MBNL2: variants seen among roughly 807,000 people sequenced by gnomAD.
MBNL2 encodes muscleblind-like protein 2.
Under a neutral mutation model 41.9 loss-of-function variants are expected in MBNL2, and 17 were observed. The ratio of observed to expected loss-of-function variants is 0.41; its 90% CI spans 0.28 to 0.61. MBNL2 has a LOEUF of 0.61. MBNL2 is among the 20% of genes least tolerant of loss of function. The pLI is 0.35. For synonymous variants in MBNL2, 195 were observed against 182.9 expected (o/e 1.07, Z -0.53); for missense variants, 336 against 505.6 (o/e 0.66, Z 3.22).
chr13:97,265,784 T>C (rs1181708584), intron 1 of MBNL2, among the ~76,000 whole-genome samples: 1 of 152,044 alleles, frequency 6.6e-6, no homozygotes, highest in Admixed American at 6.6e-5. Context: ...ATTTATGGCT[T>C]AAGTGTTACT....
intron 1 of MBNL2, among the ~76,000 whole-genome samples, chr13:97,267,562 CCTT>C (rs951167708): frequency 2.6e-5 from 4 of 152,134 alleles, no homozygotes; most frequent in African/African-American, 9.7e-5. Flanking sequence ...CAAAGCAGCT[CCTT>C]CTGATGGCTG....
At chr13:97,280,681 A>G (rs970361131) in intron 2 of MBNL2, among the ~76,000 whole-genome samples, 5 of 151,990 alleles carry the variant, frequency 3.3e-5, no homozygotes, top group African/African-American at 9.7e-5. Flanking sequence ...CTTCATTTCT[A>G]TCGCCACCAC....
intron 2 of MBNL2, among the ~76,000 whole-genome samples, chr13:97,325,978 T>TC (rs2059882419): frequency 6.6e-6 from 1 of 152,024 alleles, no homozygotes; most frequent in Non-Finnish European, 1.5e-5. Flanking sequence ...TGAAGGTTTT[T>TC]CCCAGCCCTC....
Position 97,343,234 on chromosome 13 carries a change from G to A in MBNL2, c.540+18G>A, listed in dbSNP as rs1179394865. The A allele has an allele frequency of 6.4e-7, 1 of 1,555,694 alleles. No homozygotes were observed. Among genetic ancestry groups the A allele is most frequent in the East Asian group, 2.3e-5 (1 of 44,330 alleles). The stretch of plus-strand genomic sequence containing the variant: ...AACTGGAGGTACTTCAATTCTACTT[G>A]TGTTTTGACATGCATTTGTGGTAGA... On this transcript the variant is annotated intron_variant, in intron 4 of 8. Coordinates refer to ENST00000679496, the MANE Select transcript of MBNL2 (RefSeq NM_001382683.1).
rs756286440 is a variant in MBNL2 at position 97,369,094 on chromosome 13, G to C, written c.1048+3923G>C. 3.3e-5 allele frequency among the ~76,000 whole-genome samples: 5 copies of C among 152,264 alleles called. No individual in the cohort carries two copies. The East Asian group carries it at 9.7e-4, about 29-fold the overall frequency. On this transcript the variant is annotated intron_variant, in intron 8 of 8. Transcript: ENST00000679496. ...AAATAATAGTGAACACAAATTTCCA[G>C]ATATGATATTCTTTATGTATTTTCA...
At chr13:97,287,845 A>G (rs2054870647) in intron 2 of MBNL2, among the ~76,000 whole-genome samples, 1 of 148,496 alleles carries the variant, frequency 6.7e-6, no homozygotes, top group Admixed American at 6.7e-5. Flanking sequence ...CCTGCGTTCA[A>G]GCGATTCTCC....
chr13:97,341,349 A>G lies in MBNL2; in HGVS notation c.340-1667A>G, dbSNP rs566348620. 3.9e-5 allele frequency among the ~76,000 whole-genome samples: 6 copies of G among 152,320 alleles called. No homozygotes were observed. In the East Asian group the frequency reaches 1.2e-3, roughly 29 times the overall value. On this transcript the variant is annotated intron_variant, in intron 3 of 8. Coordinates refer to ENST00000679496, the MANE Select transcript of MBNL2 (RefSeq NM_001382683.1). The stretch of plus-strand genomic sequence containing the variant: ...TGTGATTTATGACCTTTCAGAATTG[A>G]TTCTTTTTAAAAATCCTAACATTAC...
chr13:97,341,666 C>A (rs2061452392), intron 3 of MBNL2, among the ~76,000 whole-genome samples: 1 of 152,176 alleles, frequency 6.6e-6, no homozygotes, highest in South Asian at 2.1e-4. Flanking sequence ...CCATTAGAAC[C>A]ACCCCTTCTA....
chr13:97,363,289 T>C (rs2063565248), intron 7 of MBNL2, among the ~76,000 whole-genome samples: 1 of 152,066 alleles, frequency 6.6e-6, no homozygotes, highest in African/African-American at 2.4e-5. Context: ...AAGTGAATGA[T>C]ACACCACAGG....
chr13:97,309,408 A>G (rs1388888901), intron 2 of MBNL2, among the ~76,000 whole-genome samples: 7 of 152,178 alleles, frequency 4.6e-5, no homozygotes, highest in Admixed American at 4.6e-4. Context: ...TTAATCCAAT[A>G]TGACTGGTGT....
intron 1 of MBNL2, among the ~76,000 whole-genome samples, chr13:97,226,802 AG>A (rs1383798553): frequency 2.6e-5 from 4 of 152,184 alleles, no homozygotes; most frequent in African/African-American, 9.7e-5. Flanking sequence ...GCAATTTCTG[AG>A]TCTCAGCATA....
chr13:97,200,505 T>C, the MBNL2 span, among the ~76,000 whole-genome samples: 3 of 152,234 alleles, frequency 2.0e-5, no homozygotes, highest in Non-Finnish European at 2.9e-5. Context: ...AATTTCTACT[T>C]ATAATATTTA....
At chr13:97,305,173 G>A (rs759028588) in intron 2 of MBNL2, among the ~76,000 whole-genome samples, 6 of 152,152 alleles carry the variant, frequency 3.9e-5, no homozygotes, top group Non-Finnish European at 7.4e-5. Flanking sequence ...TTCTTATCAG[G>A]AGTTCTGGTT....
chr13:97,330,078 G>A (rs2060303790), intron 2 of MBNL2, among the ~76,000 whole-genome samples: 1 of 152,202 alleles, frequency 6.6e-6, no homozygotes, highest in Admixed American at 6.5e-5. Context: ...GAGACACCAT[G>A]TCTTGATTTT....
intron 2 of MBNL2, among the ~76,000 whole-genome samples, chr13:97,329,704 G>A (rs1292326744): frequency 0.014 from 6 of 422 alleles, no homozygotes; most frequent in Admixed American, 0.06. Context: ...ACACACACAT[G>A]CAGCACACAT....
upstream of MBNL2, among the ~76,000 whole-genome samples, chr13:97,217,179 T>C (rs906694129): frequency 1.3e-5 from 2 of 150,950 alleles, no homozygotes; most frequent in Non-Finnish European, 3.0e-5. Context: ...TATATATGTC[T>C]CTATGGCTTC....
At chr13:97,258,163 T>A (rs2047920215) in intron 1 of MBNL2, among the ~76,000 whole-genome samples, 1 of 151,940 alleles carries the variant, frequency 6.6e-6, no homozygotes, top group African/African-American at 2.4e-5. Flanking sequence ...CATTACCTAA[T>A]AACTCGTGGT....
chr13:97,269,054 C>T (rs1266729248), intron 1 of MBNL2, among the ~76,000 whole-genome samples: 3 of 152,092 alleles, frequency 2.0e-5, no homozygotes, highest in Non-Finnish European at 4.4e-5. Context: ...CTTAGAAAGG[C>T]AGGAAGTTTC....
chr13:97,370,858 A>G (rs1218434434), intron 8 of MBNL2, among the ~76,000 whole-genome samples: 1 of 152,160 alleles, frequency 6.6e-6, no homozygotes, highest in Non-Finnish European at 1.5e-5. Context: ...CCTAACCTCT[A>G]CTAATCATCT....
Sources: gnomAD v4.1 joint callset for allele counts (sites outside exome capture counted in the v4.1 genomes callset) on GRCh38, gnomAD v4.1.1 for gene constraint, MANE v1.5 for transcripts, NCBI Gene and HGNC (gene_info 2026-07-23, HGNC 2026-07-21) for gene names.